Variants in ST3GAL3 observed in about 807,000 individuals in gnomAD.
ST3GAL3 encodes ST3 beta-galactoside alpha-2,3-sialyltransferase 3.
In ST3GAL3, 21 loss-of-function variants were observed where a neutral mutation model predicts 50.1. That is an observed-to-expected ratio of 0.42 (90% CI 0.30 to 0.60). The LOEUF is 0.60. Ranked by LOEUF, ST3GAL3 falls within the 20% of genes least tolerant of loss-of-function variation. The pLI is 0.19. For synonymous variants in ST3GAL3, 183 were observed against 190.0 expected, an observed-to-expected ratio of 0.96 and a Z score of 0.30; for missense variants, 353 against 489.4, an observed-to-expected ratio of 0.72 and a Z score of 2.63.
intron 5 of ST3GAL3, among the ~76,000 whole-genome samples, chr1:43,854,359 T>G (rs2067932217): frequency 6.6e-6 from 1 of 152,206 alleles, no homozygotes; most frequent in South Asian, 2.1e-4. Flanking sequence ...GTCTTTCTCT[T>G]TTCATGATGT....
chr1:43,807,417 A>AAAATAAATAAATAAATAAATAAAT (rs59894927), intron 3 of ST3GAL3, among the ~76,000 whole-genome samples: 23 of 142,692 alleles, frequency 1.6e-4, no homozygotes, highest in Middle Eastern at 3.5e-3. Flanking sequence ...CTCTGTCTCA[A>AAAATAAATAAATAAATAAATAAAT]AAATAAATAA....
intron 1 of ST3GAL3, among the ~76,000 whole-genome samples, chr1:43,715,780 C>G (rs1667092540): frequency 6.6e-6 from 1 of 152,002 alleles, no homozygotes; most frequent in Non-Finnish European, 1.5e-5. Context: ...AGAGTGAGAC[C>G]CTGTCTCAAA....
chr1:43,779,713 T>G (rs1034962677), intron 2 of ST3GAL3, among the ~76,000 whole-genome samples: 1 of 152,232 alleles, frequency 6.6e-6, no homozygotes, highest in Non-Finnish European at 1.5e-5. Context: ...CAATATTCAG[T>G]CTATATACTA....
chr1:43,917,593 A>AT (rs1183229479), intron 9 of ST3GAL3, among the ~76,000 whole-genome samples: 18 of 48,080 alleles, frequency 3.7e-4, no homozygotes, highest in African/African-American at 1.2e-3. Flanking sequence ...TATTATATAT[A>AT]ATATATATAT....
At chr1:43,779,088 C>T (rs1169792069) in intron 2 of ST3GAL3, among the ~76,000 whole-genome samples, 10 of 152,062 alleles carry the variant, frequency 6.6e-5, no homozygotes, top group Admixed American at 5.9e-4. Flanking sequence ...ATTACAGGCA[C>T]CTGCCAGCAG....
rs78072777 is a variant in ST3GAL3, at chr1:43,797,029, A to C, written c.166+4880A>C. 9.5e-3 allele frequency among the ~76,000 whole-genome samples: 1,452 copies of C among 152,242 alleles called. 21 individuals carry two copies. The highest frequency in any genetic ancestry group is 0.033 in the African/African-American group (1,389 of 41,544). On this transcript the variant is annotated intron_variant, in intron 3 of 11. Coordinates refer to ENST00000347631, the MANE Select transcript of ST3GAL3 (RefSeq NM_006279.5). ...CAGAGAACTCTTCTCTACAAAATTA[A>C]AGAAGAATATTAGCCAGGCATGGTG...
chr1:43,891,594 A>T (rs909669583), intron 5 of ST3GAL3, among the ~76,000 whole-genome samples: 11 of 152,220 alleles, frequency 7.2e-5, no homozygotes, highest in African/African-American at 2.7e-4. Context: ...TAAATAAATA[A>T]GAATAATGGC....
At chr1:43,816,725 T>C (rs2061293204) in intron 4 of ST3GAL3, among the ~76,000 whole-genome samples, 1 of 152,222 alleles carries the variant, frequency 6.6e-6, no homozygotes, top group Non-Finnish European at 1.5e-5. Flanking sequence ...TAGGCTGTTG[T>C]GTAGCTTTCT....
At chr1:43,842,004 C>T (rs1412913405) in intron 5 of ST3GAL3, 1 of 152,242 alleles carries the variant, frequency 6.6e-6, no homozygotes, top group Non-Finnish European at 1.5e-5. Context: ...CTCTCAACTT[C>T]AAACTTCCAC....
At chr1:43,709,109 G>C (rs1352058106) in intron 1 of ST3GAL3, among the ~76,000 whole-genome samples, 2 of 152,182 alleles carry the variant, frequency 1.3e-5, no homozygotes, top group Admixed American at 6.5e-5. Context: ...CATGAAGAGT[G>C]GGTAGCCGGC....
At chr1:43,718,792 A>T (rs1668835127) in intron 1 of ST3GAL3, among the ~76,000 whole-genome samples, 1 of 141,180 alleles carries the variant, frequency 7.1e-6, no homozygotes. Context: ...GGTTCACATG[A>T]TTCTCCTGCC....
At chr1:43,789,454 C>A (rs922317392) in intron 2 of ST3GAL3, among the ~76,000 whole-genome samples, 1 of 152,110 alleles carries the variant, frequency 6.6e-6, no homozygotes. Flanking sequence ...CATTGAATTG[C>A]ACACTTATAT....
chr1:43,882,453 T>C (rs191263522), intron 5 of ST3GAL3, among the ~76,000 whole-genome samples: 1 of 152,168 alleles, frequency 6.6e-6, no homozygotes, highest in Non-Finnish European at 1.5e-5. Context: ...TAATATCCCA[T>C]GTCAAATGAA....
In ST3GAL3 at chr1:43,721,758, C is replaced by T. The variant is rs575743646; in HGVS notation, c.-31+14065C>T. On this transcript the variant is annotated intron_variant, in intron 1 of 11. Coordinates refer to ENST00000347631, the MANE Select transcript of ST3GAL3 (RefSeq NM_006279.5). ...CTGAGATTACAGGCATGTGCCACTG[C>T]GCCTGACTGATTTTGTACTTTTAGT... Among the ~76,000 whole-genome samples, 4 of 152,226 alleles carry T rather than the reference C, an allele frequency of 2.6e-5. No individual in the cohort carries two copies. The East Asian group carries it at 7.7e-4, about 29-fold the overall frequency.
At chr1:43,885,396 A>C (rs1396708769) in intron 5 of ST3GAL3, among the ~76,000 whole-genome samples, 1 of 152,098 alleles carries the variant, frequency 6.6e-6, no homozygotes, top group African/African-American at 2.4e-5. Flanking sequence ...TCACGCACTC[A>C]CACACACCCT....
chr1:43,708,713 G>A (rs963727719), intron 1 of ST3GAL3, among the ~76,000 whole-genome samples: 5 of 152,164 alleles, frequency 3.3e-5, no homozygotes, highest in Admixed American at 6.5e-5. Flanking sequence ...GATTCTTAAG[G>A]ATATTTTGAG....
At chr1:43,767,641 T>C (rs1693577592) in intron 2 of ST3GAL3, among the ~76,000 whole-genome samples, 1 of 145,384 alleles carries the variant, frequency 6.9e-6, no homozygotes, top group Non-Finnish European at 1.5e-5. Context: ...GTAGAAAATA[T>C]TTTGAATTGC....
At chr1:43,889,269 AC>A (rs2076390566) in intron 5 of ST3GAL3, among the ~76,000 whole-genome samples, 1 of 152,114 alleles carries the variant, frequency 6.6e-6, no homozygotes, top group Admixed American at 6.6e-5. Context: ...AAAAAAGGAT[AC>A]AATAAAACTA....
At chr1:43,785,651 A>G (rs999551893) in intron 2 of ST3GAL3, among the ~76,000 whole-genome samples, 4 of 152,136 alleles carry the variant, frequency 2.6e-5, no homozygotes, top group East Asian at 1.9e-4. Flanking sequence ...CTCTGCCACT[A>G]ATGTGGGCGC....
Sources: gnomAD v4.1 joint callset for allele counts (sites outside exome capture counted in the v4.1 genomes callset) on GRCh38, gnomAD v4.1.1 for gene constraint, MANE v1.5 for transcripts, NCBI Gene and HGNC (gene_info 2026-07-23, HGNC 2026-07-21) for gene names.